The following MACROD1 variants were observed in gnomAD, a reference collection of about 807,000 sequenced individuals.
The protein encoded by MACROD1 is ADP-ribose glycohydrolase MACROD1.
In MACROD1, 31 loss-of-function variants were observed where a neutral mutation model predicts 41.4. The ratio of observed to expected loss-of-function variants is 0.75; its 90% confidence interval spans 0.56 to 1.01. MACROD1 has a LOEUF of 1.01. Among genes scored for constraint, MACROD1 ranks in the 50% least tolerant of loss-of-function variants. The pLI is 0.00. For synonymous variants in MACROD1, 252 were observed against 203.4 expected, an observed-to-expected ratio of 1.24 and a Z score of -2.03; for missense variants, 473 against 460.0, an observed-to-expected ratio of 1.03 and a Z score of -0.26.
At chr11:64,039,096 C>G (rs868584476) in intron 3 of MACROD1, among the ~76,000 whole-genome samples, 52 of 152,266 alleles carry the variant, frequency 3.4e-4, no homozygotes, top group African/African-American at 1.1e-3. Flanking sequence ...CCCCTGCAGG[C>G]AGGGGCCATC....
At chr11:64,163,513 A>G (rs1347433562) in intron 1 of MACROD1, among the ~76,000 whole-genome samples, 1 of 152,122 alleles carries the variant, frequency 6.6e-6, no homozygotes, top group African/African-American at 2.4e-5. Flanking sequence ...CCTCTCGTGG[A>G]GCATATGCTC....
intron 3 of MACROD1, among the ~76,000 whole-genome samples, chr11:64,038,559 G>A (rs1052632711): frequency 1.3e-5 from 2 of 152,206 alleles, no homozygotes; most frequent in Admixed American, 6.5e-5. Flanking sequence ...TGGTGCAGGG[G>A]GAGGATGAGG....
chr11:64,126,680 C>A (rs370225061), intron 3 of MACROD1, among the ~76,000 whole-genome samples: 1 of 151,984 alleles, frequency 6.6e-6, no homozygotes, highest in Admixed American at 6.6e-5. Context: ...CAGCCCCTGG[C>A]GGCCAAGGGG....
At chr11:64,010,791 G>A (rs1421139499) in intron 4 of MACROD1, among the ~76,000 whole-genome samples, 1 of 145,664 alleles carries the variant, frequency 6.9e-6, no homozygotes, top group African/African-American at 2.6e-5. Context: ...GGGTGTTTGG[G>A]ATGTTGGCTG....
At chr11:64,076,787 A>G (rs1944209851) in intron 3 of MACROD1, among the ~76,000 whole-genome samples, 1 of 152,204 alleles carries the variant, frequency 6.6e-6, no homozygotes, top group Non-Finnish European at 1.5e-5. Flanking sequence ...GGTGGGACCC[A>G]GGCTCTGGGC....
chr11:64,128,544 G>A (rs1221434738), intron 3 of MACROD1, among the ~76,000 whole-genome samples: 2 of 152,046 alleles, frequency 1.3e-5, no homozygotes, highest in Admixed American at 6.5e-5. Context: ...GGCCTGGCAC[G>A]CCGCCCGCCT....
chr11:64,034,227 G>A (rs938775533), intron 3 of MACROD1, among the ~76,000 whole-genome samples: 1 of 152,224 alleles, frequency 6.6e-6, no homozygotes, highest in African/African-American at 2.4e-5. Flanking sequence ...TCCATCTGGG[G>A]GTCTGGGAAG....
intron 3 of MACROD1, among the ~76,000 whole-genome samples, chr11:64,097,874 G>A (rs577053864): frequency 1.6e-4 from 25 of 152,276 alleles, no homozygotes; most frequent in Non-Finnish European, 3.2e-4. Context: ...ATAGCAAGCC[G>A]GCTGTCCATG....
rs1159320868 is a variant in MACROD1 at position 64,036,340 on chromosome 11, C to T, written c.518-21059G>A. 6.6e-6 allele frequency among the ~76,000 whole-genome samples: 1 copy of T among 152,122 alleles called. No individual in the cohort carries two copies. The highest frequency in any genetic ancestry group is 1.9e-4 in the East Asian group (1 of 5,160). On this transcript the variant is annotated intron_variant, in intron 3 of 10. Transcript: ENST00000255681. The surrounding 1 kb of genome is among the most constrained non-coding windows in gnomAD (Gnocchi z 5.6). ...GCCTTTGGGATTTGGGGTGGGGGTC[C>T]CTGAGTCAAGAGCCAAGCACCAGTA... is the stretch of plus-strand genomic sequence containing the variant.
At chr11:64,049,283 G>C (rs920870450) in intron 3 of MACROD1, among the ~76,000 whole-genome samples, 1 of 152,168 alleles carries the variant, frequency 6.6e-6, no homozygotes, top group Non-Finnish European at 1.5e-5. Flanking sequence ...AAGCGAAAAA[G>C]GGACTGGCCC....
At position 63,999,039 on chromosome 11, in the gene MACROD1, G is replaced by T. The variant is rs1163977005; in HGVS notation, c.892-3C>A. The stretch of plus-strand genomic sequence containing the variant: ...ACGCAGATGATCAGCCGGTCCACCT[G>T]CGCCAGGGGCTGCTCAGCCTGGGCC... On this transcript the variant is annotated splice_polypyrimidine_tract_variant and splice_region_variant and intron_variant, in intron 8 of 10. Coordinates refer to ENST00000255681, the MANE Select transcript of MACROD1 (RefSeq NM_014067.4). 6.2e-7 allele frequency: 1 copy of T among 1,600,262 alleles called. No individual in the cohort carries two copies. The highest frequency in any genetic ancestry group is 1.1e-5 in the South Asian group (1 of 89,214).
intron 1 of MACROD1, among the ~76,000 whole-genome samples, chr11:64,159,607 C>T (rs1468710539): frequency 1.3e-5 from 2 of 151,976 alleles, no homozygotes; most frequent in East Asian, 3.9e-4. Context: ...CCAGCCTGAC[C>T]AACATGGAGA....
At chr11:64,030,753 G>A (rs553387697) in intron 3 of MACROD1, among the ~76,000 whole-genome samples, 1 of 152,160 alleles carries the variant, frequency 6.6e-6, no homozygotes, top group East Asian at 1.9e-4. Context: ...TGACCTAATC[G>A]GGAAGGTGGG....
chr11:64,071,986 T>C (rs1192779210), intron 3 of MACROD1, among the ~76,000 whole-genome samples: 1 of 152,214 alleles, frequency 6.6e-6, no homozygotes, highest in African/African-American at 2.4e-5. Context: ...ACGGGCTGGC[T>C]CCTGAGCCGC....
At chr11:64,007,975 G>A (rs1942940904) in intron 4 of MACROD1, among the ~76,000 whole-genome samples, 1 of 152,264 alleles carries the variant, frequency 6.6e-6, no homozygotes, top group Non-Finnish European at 1.5e-5. Flanking sequence ...GGAGCGGCCG[G>A]AGCTGAGCCT....
At chr11:64,131,906 C>T (rs889570974) in intron 3 of MACROD1, among the ~76,000 whole-genome samples, 28 of 152,090 alleles carry the variant, frequency 1.8e-4, no homozygotes, top group African/African-American at 6.0e-4. Context: ...AGGAGGGGGG[C>T]AGGGGGAACC....
chr11:64,144,205 C>T (rs1945458642), intron 3 of MACROD1, among the ~76,000 whole-genome samples: 1 of 152,094 alleles, frequency 6.6e-6, no homozygotes, highest in South Asian at 2.1e-4. Context: ...CTTGCCCCGA[C>T]TTCTGACTTA....
At position 64,158,908 on chromosome 11, in the gene MACROD1, G is replaced by A. The variant is rs769582757; in HGVS notation, c.299-6515C>T. The stretch of plus-strand genomic sequence containing the variant: ...GGTATTCAATTAGAGAAAGTAGGAC[G>A]GGCACAGTGACTCACGCCTGTAATC... On this transcript the variant is annotated intron_variant, in intron 1 of 10. Transcript: ENST00000255681. Among the ~76,000 whole-genome samples, 17 of 152,224 alleles carry A rather than the reference G, an allele frequency of 1.1e-4. No homozygotes were observed. In the East Asian group the frequency reaches 1.7e-3, roughly 16 times the overall value.
rs192007450 is a variant in MACROD1, at chr11:64,147,567, T to C, written c.517+3672A>G. On this transcript the variant is annotated intron_variant, in intron 3 of 10. Transcript: ENST00000255681. ...CCTCCCAAGTAGCTGGGATTACAGG[T>C]GCATGCCATCACGCCTGGCTAATTT... is the stretch of plus-strand genomic sequence containing the variant. Among the ~76,000 whole-genome samples the C allele has an allele frequency of 4.0e-3, 595 of 149,938 alleles. 3 individuals carry two copies. The highest frequency in any genetic ancestry group is 6.9e-3 in the Middle Eastern group (2 of 288).
Sources: gnomAD v4.1 joint callset for allele counts (sites outside exome capture counted in the v4.1 genomes callset) on GRCh38, gnomAD v4.1.1 for gene constraint, Gnocchi (gnomAD v3.1) non-coding constraint, MANE v1.5 for transcripts, NCBI Gene and HGNC (gene_info 2026-07-23, HGNC 2026-07-21) for gene names.